ABCB11: variants seen among roughly 807,000 people sequenced by gnomAD.
The protein encoded by ABCB11 is bile salt export pump.
Under a neutral mutation model 148.0 loss-of-function variants are expected in ABCB11, and 95 were observed. That is an observed-to-expected ratio of 0.64 (90% CI 0.54 to 0.76). The LOEUF is 0.76. Ranked by LOEUF, ABCB11 falls within the 30% of genes least tolerant of loss-of-function variation. The pLI, the probability that ABCB11 is intolerant of heterozygous loss-of-function variation, is 0.00. For missense variants in ABCB11, 1,523 were observed against 1,617.8 expected (o/e 0.94, Z 1.01); for synonymous variants, 591 against 555.4 (o/e 1.06, Z -0.90).
At chr2:168,950,375 G>A (rs1001118540) in intron 19 of ABCB11, among the ~76,000 whole-genome samples, 1 of 151,514 alleles carries the variant, frequency 6.6e-6, no homozygotes, top group African/African-American at 2.4e-5. Context: ...TTTCCATAAA[G>A]GTTGTACTAA....
chr2:169,029,092 T>C (rs1238895189), intron 1 of ABCB11, among the ~76,000 whole-genome samples: 2 of 151,874 alleles, frequency 1.3e-5, no homozygotes, highest in African/African-American at 4.8e-5. Context: ...ACACTGTGAA[T>C]ATTCTGATCA....
At chr2:168,920,505 C>T (rs1050806601), downstream of ABCB11, among the ~76,000 whole-genome samples, 9 of 151,222 alleles carry the variant, frequency 6.0e-5, no homozygotes, top group South Asian at 6.3e-4. Context: ...TTTTGTTTTA[C>T]TTTCAGAGAA....
chr2:168,936,563 A>T, intron 21 of ABCB11, 130 bp from the exon 22 acceptor site: 1 of 804,026 alleles, frequency 1.2e-6, no homozygotes, highest in Non-Finnish European at 2.0e-6. Flanking sequence ...CATTTTAACC[A>T]TTCTTAAGTG....
chr2:168,927,708 T>G (rs2105883090), intron 25 of ABCB11, among the ~76,000 whole-genome samples: 1 of 152,288 alleles, frequency 6.6e-6, no homozygotes, highest in South Asian at 2.1e-4. Flanking sequence ...GGTTGCTCTA[T>G]TTTGAGACTC....
At position 168,958,078 on chromosome 2, in the gene ABCB11, C is replaced by A. The variant is rs1315192598; in HGVS notation, c.2229G>T (p.Arg743Ser). 1 of 1,611,244 alleles carries A rather than the reference C, an allele frequency of 6.2e-7. No individual in the cohort carries two copies. The highest frequency in any genetic ancestry group is 8.5e-7 in the Non-Finnish European group (1 of 1,178,180). The change falls in exon 19 of 28, where the codon AGG becomes AGT. Residue 743 changes from arginine (R) to serine (S), a missense_variant. Coordinates refer to ENST00000650372, the MANE Select transcript of ABCB11 (RefSeq NM_003742.4). ...QEEVEPAPVR[R>S]ILKFSAPEWP... Reference sequence around the variant, plus strand: ...ATTCTGGAGCACTGAATTTCAGAATCCTCCTAACTGGGGCAGGTTCAACTT... The same window carrying A: ...ATTCTGGAGCACTGAATTTCAGAATACTCCTAACTGGGGCAGGTTCAACTT...
downstream of ABCB11, among the ~76,000 whole-genome samples, chr2:168,919,716 CCT>C (rs1691021562): frequency 6.6e-6 from 1 of 151,972 alleles, no homozygotes; most frequent in Non-Finnish European, 1.5e-5. Flanking sequence ...TGTCTTTAGA[CCT>C]CTCTCATTCT....
chr2:169,016,574 T>G (rs1472188953), intron 3 of ABCB11, among the ~76,000 whole-genome samples: 3 of 152,184 alleles, frequency 2.0e-5, no homozygotes, highest in Non-Finnish European at 2.9e-5. Flanking sequence ...AGAGGGGACA[T>G]TTGAACCTAA....
downstream of ABCB11, among the ~76,000 whole-genome samples, chr2:168,920,576 ACTG>A (rs1691045407): frequency 6.6e-6 from 1 of 150,916 alleles, no homozygotes; most frequent in South Asian, 2.1e-4. Context: ...ACTTTTATTA[ACTG>A]GGGTTATAAG....
At chr2:168,955,384 T>C (rs1448648674) in intron 19 of ABCB11, among the ~76,000 whole-genome samples, 1 of 151,476 alleles carries the variant, frequency 6.6e-6, no homozygotes, top group African/African-American at 2.4e-5. Context: ...AAACTTACAA[T>C]CACGGTGGAA....
rs374813855 is a variant in ABCB11, at chr2:168,932,179, C to T, written c.3213+198G>A. Among the ~76,000 whole-genome samples the T allele has an allele frequency of 4.6e-5, 7 of 152,204 alleles. No homozygotes were observed. The East Asian group carries it at 9.7e-4, about 21-fold the overall frequency. On this transcript the variant is annotated intron_variant, in intron 24 of 27. Coordinates refer to ENST00000650372, the MANE Select transcript of ABCB11 (RefSeq NM_003742.4). ...CTACCCCACACCATCCCCTGACAGG[C>T]CCCGGTGTGTGATGTTCCCCACCCT... is the stretch of plus-strand genomic sequence containing the variant.
chr2:168,999,123 T>C (rs904351894), intron 5 of ABCB11, among the ~76,000 whole-genome samples: 2 of 152,002 alleles, frequency 1.3e-5, no homozygotes, highest in Admixed American at 1.3e-4. Context: ...CTGAATCTAC[T>C]TGAATGAATT....
At position 168,995,346 on chromosome 2, in the gene ABCB11, T is replaced by TA; in HGVS notation, c.611+2dup. On this transcript the variant is annotated splice_region_variant and intron_variant, in intron 7 of 27. Transcript: ENST00000650372. ...CTAAAATACTGTTTTACCAGCTACT[T>TA]ACTCAGAGAATCTTGTATTCAGCTC... The TA allele has an allele frequency of 6.2e-7, 1 of 1,611,336 alleles. No individual in the cohort carries two copies. Among genetic ancestry groups the TA allele is most frequent in the South Asian group, 1.1e-5 (1 of 90,692 alleles).
At chr2:168,952,255 G>A (rs1477454617) in intron 19 of ABCB11, among the ~76,000 whole-genome samples, 3 of 151,630 alleles carry the variant, frequency 2.0e-5, no homozygotes, top group African/African-American at 7.3e-5. Flanking sequence ...ATGAGTTAGG[G>A]AGAATTCCCT....
downstream of ABCB11, among the ~76,000 whole-genome samples, chr2:168,918,929 TTTA>T (rs1195066452): frequency 6.6e-6 from 1 of 152,200 alleles, no homozygotes; most frequent in Non-Finnish European, 1.5e-5. Flanking sequence ...CATCTTAAAC[TTTA>T]TTTTTTTCAA....
At chr2:168,927,059 G>T in intron 26 of ABCB11, 97 bp downstream of exon 26, 1 of 1,207,840 alleles carries the variant, frequency 8.3e-7, no homozygotes, top group South Asian at 1.5e-5. Context: ...TTGGATTTGG[G>T]ATTTTCAGAT....
Position 168,930,802 on chromosome 2 carries a change from C to T in ABCB11, c.3274G>A (p.Asp1092Asn), listed in dbSNP as rs1180718054. ...DCKFTYPSRP[D>N]SQVLNGLSVS... is the part of the protein sequence containing the mutation. ...GAGAGACCATTCAGAACTTGCGAGT[C>T]AGGTCGAGAAGGATATGTAAATTTA... Residue 1092 changes from aspartate to asparagine, a missense_variant, in exon 25 of 28, where the codon GAC becomes AAC. By Grantham distance (23) the Asp-to-Asn change is conservative. Transcript: ENST00000650372. 1.9e-6 allele frequency: 3 copies of T among 1,613,024 alleles called. No individual in the cohort carries two copies. The Admixed American group carries it at 5.0e-5, about 27-fold the overall frequency.
chr2:169,024,708 A>G (rs781403995), intron 1 of ABCB11, among the ~76,000 whole-genome samples: 3 of 152,118 alleles, frequency 2.0e-5, no homozygotes, highest in Non-Finnish European at 4.4e-5. Context: ...TTATAATGTT[A>G]TATTAAGTTG....
chr2:168,977,918 A>G (rs927095879), intron 11 of ABCB11, among the ~76,000 whole-genome samples: 15 of 152,124 alleles, frequency 9.9e-5, no homozygotes, highest in African/African-American at 3.1e-4. Flanking sequence ...ACAGTTCAAG[A>G]TAAGATTTGG....
downstream of ABCB11, among the ~76,000 whole-genome samples, chr2:168,919,398 T>C (rs1691011843): frequency 6.6e-6 from 1 of 152,182 alleles, no homozygotes. Flanking sequence ...TCTCTCAGCA[T>C]TCAAACCCAC....
Sources: allele counts gnomAD v4.1 joint callset (sites outside exome capture counted in the v4.1 genomes callset), GRCh38; gene constraint gnomAD v4.1.1; transcripts MANE v1.5; gene names NCBI Gene and HGNC (gene_info 2026-07-23, HGNC 2026-07-21).